ART3: variants seen among roughly 807,000 people sequenced by gnomAD.
ART3 encodes the protein ecto-ADP-ribosyltransferase 3.
ART3 carries 49 observed loss-of-function variants against 48.5 expected under a neutral mutation model. That is an observed-to-expected ratio of 1.01 (90% CI 0.80 to 1.28). ART3 has a LOEUF of 1.28. Ranked by LOEUF, ART3 falls within the 50% of genes most tolerant of loss-of-function variation. The pLI is 0.00. For missense variants in ART3, 438 were observed against 454.3 expected, an observed-to-expected ratio of 0.96 and a Z score of 0.33; for synonymous variants, 145 against 157.2, an observed-to-expected ratio of 0.92 and a Z score of 0.58.
At chr4:76,065,556 C>CACACACACAG (rs1719653497) in intron 1 of ART3, among the ~76,000 whole-genome samples, 1 of 151,446 alleles carries the variant, frequency 6.6e-6, no homozygotes, top group East Asian at 1.9e-4. Context: ...CCCTCCAACA[C>CACACACACAG]ACACACACAC....
intron 1 of ART3, among the ~76,000 whole-genome samples, chr4:76,029,321 C>T (rs891691337): frequency 2.0e-5 from 3 of 152,280 alleles, no homozygotes; most frequent in African/African-American, 7.2e-5. Context: ...CTATAATTCA[C>T]GTTAGGGCAT....
chr4:76,036,420 A>G (rs183489991), intron 1 of ART3, among the ~76,000 whole-genome samples: 614 of 152,254 alleles, frequency 4.0e-3, no homozygotes, highest in Non-Finnish European at 5.6e-3. Context: ...TCCTTCACAT[A>G]TCTATACAAA....
At position 76,034,670 on chromosome 4, in the gene ART3, C is replaced by T. The variant is rs371562541; in HGVS notation, c.-10+23350C>T. 5.7e-5 allele frequency: 47 copies of T among 829,550 alleles called. No homozygotes were observed. The African/African-American group carries it at 7.4e-4, about 13-fold the overall frequency. The allele number at this position is 829,550 out of a possible 1,614,324, so 51.4% of individuals were successfully genotyped here. On this transcript the variant is annotated intron_variant, in intron 1 of 9. Transcript: ENST00000341029. ...ACATAACTGTACAAAAGTTGAAAGT[C>T]ACAAAACCATAGAAAAGTCTCAGTT...
chr4:76,053,452 C>T (rs1736328934), intron 1 of ART3, among the ~76,000 whole-genome samples: 1 of 151,626 alleles, frequency 6.6e-6, no homozygotes, highest in Non-Finnish European at 1.5e-5. Flanking sequence ...CTTTTTTCAA[C>T]CTGGCAAAGC....
At chr4:76,064,817 G>A (rs1479828182) in intron 1 of ART3, among the ~76,000 whole-genome samples, 5 of 146,442 alleles carry the variant, frequency 3.4e-5, no homozygotes. Flanking sequence ...AAAGATGGGA[G>A]TTGGAATATT....
At chr4:76,097,758 C>A in intron 4 of ART3, 82 bp downstream of exon 4, 1 of 1,092,010 alleles carries the variant, frequency 9.2e-7, no homozygotes. Context: ...GCTACCCCAC[C>A]ACTGTACTGT....
intron 1 of ART3, among the ~76,000 whole-genome samples, chr4:76,038,038 A>G (rs557802971): frequency 9.3e-5 from 14 of 151,292 alleles, no homozygotes; most frequent in Non-Finnish European, 2.1e-4. Flanking sequence ...GTAGTCCCCC[A>G]TTAAATGAGA....
In ART3 at chr4:76,100,804, A is replaced by C. The variant is rs1190833322; in HGVS notation, c.887A>C (p.Asn296Thr). The change falls in exon 7 of 12, where the codon AAC becomes ACC. Residue 296 changes from asparagine to threonine, a missense_variant. Transcript: ENST00000355810. ...TCTTTTTGTGACTCAGGTGAGAAAA[A>C]CTGGAAGCTTGAAGACCATGGTAAG... ...NQKLEDHSEKNWKLEDHGEKN... is the reference protein window; with the variant it reads ...NQKLEDHSEKTWKLEDHGEKN... The C allele has an allele frequency of 2.5e-6, 4 of 1,612,372 alleles. No homozygotes were observed. The East Asian group carries it at 8.9e-5, about 36-fold the overall frequency.
chr4:76,079,273 A>G (rs1180588581), intron 2 of ART3, among the ~76,000 whole-genome samples: 1 of 151,846 alleles, frequency 6.6e-6, no homozygotes, highest in Non-Finnish European at 1.5e-5. Flanking sequence ...AACTCTGGAG[A>G]TGTTTGTTAA....
chr4:76,093,186 C>G (rs565057168), intron 3 of ART3, among the ~76,000 whole-genome samples: 1 of 152,244 alleles, frequency 6.6e-6, no homozygotes, highest in South Asian at 2.1e-4. Flanking sequence ...CTTTGGGAGG[C>G]TGAGGCAGGA....
chr4:76,030,352 G>A (rs866965086), intron 1 of ART3, among the ~76,000 whole-genome samples: 2 of 152,148 alleles, frequency 1.3e-5, no homozygotes, highest in South Asian at 2.1e-4. Flanking sequence ...CACCGTGTCT[G>A]GCCTCAGCTT....
At chr4:76,061,362 A>G (rs899217466) in intron 1 of ART3, among the ~76,000 whole-genome samples, 5 of 152,202 alleles carry the variant, frequency 3.3e-5, no homozygotes, top group Non-Finnish European at 5.9e-5. Context: ...CCTATGCTAT[A>G]TAATTGATAC....
chr4:76,033,886 C>G (rs898209711), intron 1 of ART3: 2 of 152,170 alleles, frequency 1.3e-5, no homozygotes, highest in African/African-American at 2.4e-5. Context: ...CAACATTTTT[C>G]TTTGGTAGAC....
chr4:76,096,883 G>A (rs1368874699), intron 3 of ART3, among the ~76,000 whole-genome samples: 3 of 152,308 alleles, frequency 2.0e-5, no homozygotes, highest in East Asian at 3.9e-4. Flanking sequence ...AATGTTAAAG[G>A]ATGTTGAAGG....
At chr4:76,040,389 C>G (rs1028753731) in intron 1 of ART3, among the ~76,000 whole-genome samples, 2 of 150,968 alleles carry the variant, frequency 1.3e-5, no homozygotes, top group Non-Finnish European at 2.9e-5. Context: ...CAGAGATGAC[C>G]ACTGCTTTAG....
chr4:76,101,097 T>C (rs1353422545), intron 8 of ART3, 78 bp downstream of exon 8: 1 of 1,561,118 alleles, frequency 6.4e-7, no homozygotes. Flanking sequence ...GGGAAGAATG[T>C]CGTGGTAAGA....
At chr4:76,076,020 G>A in intron 2 of ART3, 62 bp downstream of exon 2, 2 of 868,282 alleles carry the variant, frequency 2.3e-6, no homozygotes, top group South Asian at 1.7e-5. Context: ...TTTTTTTTTT[G>A]AGACGGAGTC....
intron 1 of ART3, among the ~76,000 whole-genome samples, chr4:76,042,250 C>T (rs1249713994): frequency 1.3e-5 from 2 of 152,160 alleles, no homozygotes; most frequent in African/African-American, 4.8e-5. Flanking sequence ...AAAATAATTT[C>T]CAACTCACCA....
In ART3 at chr4:76,022,053, T is replaced by G. The variant is rs1732879567; in HGVS notation, c.-10+10733T>G. The G allele has an allele frequency of 2.8e-6, 3 of 1,089,672 alleles. No individual in the cohort carries two copies. The South Asian group carries it at 3.8e-5, about 14-fold the overall frequency. The allele number at this position is 1,089,672 out of a possible 1,614,324, so 67.5% of individuals were successfully genotyped here. A position where few individuals can be genotyped will look rare whatever the true frequency, so the allele number is the denominator to read the frequency against. On this transcript the variant is annotated intron_variant, in intron 1 of 9. Transcript: ENST00000341029. ...GTTCATAGAATAGATAACTGAGCTT[T>G]CCTGCTGCTATGCATTCATTATGGA...
Sources: allele counts gnomAD v4.1 joint callset (sites outside exome capture counted in the v4.1 genomes callset), GRCh38; gene constraint gnomAD v4.1.1; transcripts MANE v1.5; gene names NCBI Gene and HGNC (gene_info 2026-07-23, HGNC 2026-07-21).